XRCC5: variants seen among roughly 807,000 people sequenced by gnomAD.
XRCC5 encodes X-ray repair cross complementing 5.
A neutral mutation model predicts 95.7 loss-of-function variants in XRCC5; 12 were observed. The ratio of observed to expected loss-of-function variants is 0.13; its 90% CI spans 0.08 to 0.20. The LOEUF is 0.20. Among genes scored for constraint, XRCC5 ranks in the 10% least tolerant of loss-of-function variants. XRCC5 has a pLI of 1.00. For missense variants in XRCC5, 595 were observed against 873.9 expected (o/e 0.68, Z 4.02); for synonymous variants, 281 against 290.3 (o/e 0.97, Z 0.33).
intron 5 of XRCC5, among the ~76,000 whole-genome samples, chr2:216,119,454 A>C (rs149634194): frequency 2.4e-4 from 36 of 152,360 alleles, no homozygotes; most frequent in African/African-American, 8.7e-4. Flanking sequence ...GGATTAGAAG[A>C]ACCCTTTGAG....
chr2:216,119,702 A>C (rs1696773173), intron 5 of XRCC5, among the ~76,000 whole-genome samples: 1 of 152,222 alleles, frequency 6.6e-6, no homozygotes, highest in African/African-American at 2.4e-5. Flanking sequence ...GCTTCTGTTA[A>C]TTCAGAGATG....
At chr2:216,203,790 G>A (rs1353293511) in intron 19 of XRCC5, among the ~76,000 whole-genome samples, 1 of 150,514 alleles carries the variant, frequency 6.6e-6, no homozygotes, top group Non-Finnish European at 1.5e-5. Flanking sequence ...TTTCTTATGA[G>A]AAGTCCCCCT....
intron 16 of XRCC5, among the ~76,000 whole-genome samples, chr2:216,176,798 A>T (rs189489131): frequency 6.6e-6 from 1 of 152,106 alleles, no homozygotes; most frequent in African/African-American, 2.4e-5. Context: ...GGAAGCTTAG[A>T]TGATTGATTT....
At chr2:216,174,502 A>G (rs190512160) in intron 16 of XRCC5, among the ~76,000 whole-genome samples, 1 of 152,360 alleles carries the variant, frequency 6.6e-6, no homozygotes, top group Non-Finnish European at 1.5e-5. Context: ...ATACAGAAAA[A>G]CTACACAAAT....
At position 216,194,991 on chromosome 2, in the gene XRCC5, T is replaced by C; in HGVS notation, c.2109+5T>C. ...ACAGCTGAGGAAGCCAAAAAGGTAT[T>C]GAGGGGTAAACCTTTGTCTTTAGTT... On this transcript the variant is annotated splice_donor_5th_base_variant and intron_variant, in intron 19 of 20. Coordinates refer to ENST00000392132, the MANE Select transcript of XRCC5 (RefSeq NM_021141.4). 1 of 1,613,846 alleles carries C rather than the reference T, an allele frequency of 6.2e-7. No individual in the cohort carries two copies. The highest frequency in any genetic ancestry group is 8.5e-7 in the Non-Finnish European group (1 of 1,179,704).
intron 10 of XRCC5, 73 bp downstream of exon 10, chr2:216,132,460 G>A (rs907323329): frequency 2.8e-6 from 4 of 1,442,996 alleles, no homozygotes; most frequent in Non-Finnish European, 3.9e-6. Context: ...AGTTGTTTGG[G>A]GCTTTTATAG....
intron 14 of XRCC5, among the ~76,000 whole-genome samples, chr2:216,148,926 A>G (rs1384278065): frequency 1.3e-5 from 2 of 151,968 alleles, no homozygotes; most frequent in Non-Finnish European, 2.9e-5. Flanking sequence ...ACAAGAAGAA[A>G]TTGTTGTTGC....
intron 19 of XRCC5, among the ~76,000 whole-genome samples, chr2:216,196,926 G>A (rs1007807213): frequency 6.6e-6 from 1 of 152,102 alleles, no homozygotes; most frequent in African/African-American, 2.4e-5. Context: ...TGTTAAACAA[G>A]TAAATCAGGA....
At chr2:216,190,172 C>T in intron 16 of XRCC5, 53 bp from the exon 17 acceptor site, 3 of 1,482,620 alleles carry the variant, frequency 2.0e-6, no homozygotes, top group Non-Finnish European at 2.8e-6. Context: ...CAGAAGCATA[C>T]CCTCTCTCAG....
chr2:216,155,827 G>A (rs1688831957), intron 14 of XRCC5, among the ~76,000 whole-genome samples: 1 of 152,090 alleles, frequency 6.6e-6, no homozygotes, highest in African/African-American at 2.4e-5. Flanking sequence ...GGTACAAGAG[G>A]GTAAGTGGGG....
intron 3 of XRCC5, chr2:216,117,447 G>C (rs1696718609): frequency 8.2e-6 from 3 of 364,248 alleles, no homozygotes; most frequent in Non-Finnish European, 1.5e-5. Context: ...ATGGACTGTG[G>C]CCACCAAGAA....
chr2:216,166,558 C>G (rs893815608), intron 16 of XRCC5, among the ~76,000 whole-genome samples: 2 of 152,178 alleles, frequency 1.3e-5, no homozygotes, highest in African/African-American at 4.8e-5. Flanking sequence ...TTGTGGGTTT[C>G]AGAGTCTCCA....
chr2:216,205,196 G>A lies in XRCC5; in HGVS notation c.2193G>A (p.Met731Ile). The change falls in exon 21 of 21, where the codon ATG becomes ATA. Residue 731 changes from methionine to isoleucine, a missense_variant. Around this residue, in one of 2 missense-constraint regions of XRCC5, gnomAD observed 309 missense variants for 382.9 expected, o/e 0.81. Transcript: ENST00000392132. Reference sequence around the variant, plus strand: ...GTTGTTCTTGTTCACAGTTGGACATGATATAGGTCGTGGATGTATGGGGAA... The same window carrying A: ...GTTGTTCTTGTTCACAGTTGGACATAATATAGGTCGTGGATGTATGGGGAA... ...EGGDVDDLLD[M>I]I 1 of 1,613,990 alleles carries A rather than the reference G, an allele frequency of 6.2e-7. No individual in the cohort carries two copies. The highest frequency in any genetic ancestry group is 1.1e-5 in the South Asian group (1 of 91,068).
Position 216,206,076 on chromosome 2 carries a change from C to T in XRCC5, c.*874C>T, listed in dbSNP as rs1398896113. 3 of 152,312 alleles carry T rather than the reference C, an allele frequency of 2.0e-5. No homozygotes were observed. In the East Asian group the frequency reaches 5.8e-4, roughly 29 times the overall value. The allele number at this position is 152,312 out of a possible 1,614,324, so 9.4% of individuals were successfully genotyped here. A position where few individuals can be genotyped will look rare whatever the true frequency, so the allele number is the denominator to read the frequency against. Reference sequence around the variant, plus strand: ...CATTTCTACCTAAGTCAGCTTTCATCTTTGTGGATGGTGTCTCCTTTACTA... The same window carrying T: ...CATTTCTACCTAAGTCAGCTTTCATTTTTGTGGATGGTGTCTCCTTTACTA... On this transcript the variant is annotated 3_prime_UTR_variant, in exon 21 of 21. Transcript: ENST00000392132.
chr2:216,200,198 C>T (rs373537561), intron 19 of XRCC5, among the ~76,000 whole-genome samples: 1 of 152,070 alleles, frequency 6.6e-6, no homozygotes, highest in Non-Finnish European at 1.5e-5. Context: ...CTTATAATGC[C>T]GCCAACCACA....
rs188818314 is a variant in XRCC5 at position 216,137,319 on chromosome 2, G to A, written c.1251+94G>A. On this transcript the variant is annotated intron_variant, in intron 11 of 20. Transcript: ENST00000392132. The stretch of plus-strand genomic sequence containing the variant: ...GTTAATGTTCATGACAATTACTTGG[G>A]GATCTTGTTAAAATGCAGATCCTCA... 10 of 1,390,034 alleles carry A rather than the reference G, an allele frequency of 7.2e-6. No homozygotes were observed. In the African/African-American group the frequency reaches 1.4e-4, roughly 20 times the overall value. 86.1% of individuals were successfully genotyped at this position (1,390,034 alleles called of 1,614,324 possible). A position where few individuals can be genotyped will look rare whatever the true frequency, so the allele number is the denominator to read the frequency against.
intron 16 of XRCC5, among the ~76,000 whole-genome samples, chr2:216,184,988 G>T (rs755029441): frequency 2.0e-5 from 3 of 152,190 alleles, no homozygotes; most frequent in African/African-American, 4.8e-5. Flanking sequence ...ACTGGGTTCG[G>T]CATGAGAGAT....
At chr2:216,152,836 T>TA in intron 14 of XRCC5, among the ~76,000 whole-genome samples, 1 of 152,096 alleles carries the variant, frequency 6.6e-6, no homozygotes, top group South Asian at 2.1e-4. Flanking sequence ...TTTGTCGAGA[T>TA]AGAGTCTTAC....
At chr2:216,174,903 T>C in intron 16 of XRCC5, 1 of 340,674 alleles carries the variant, frequency 2.9e-6, no homozygotes, top group South Asian at 2.9e-5. Flanking sequence ...TTTAGAACCT[T>C]CTGCTACCAT....
Sources: allele counts gnomAD v4.1 joint callset (sites outside exome capture counted in the v4.1 genomes callset), GRCh38; gene constraint gnomAD v4.1.1; regional missense constraint gnomAD v4.1.1; transcripts MANE v1.5; gene names NCBI Gene and HGNC (gene_info 2026-07-23, HGNC 2026-07-21).